CFAP157: variants seen among roughly 807,000 people sequenced by gnomAD.
CFAP157 encodes cilia- and flagella-associated protein 157.
In CFAP157, 43 loss-of-function variants were observed where a neutral mutation model predicts 57.8. The observed-to-expected ratio is 0.74, with a 90% CI of 0.58 to 0.96. The LOEUF (loss-of-function observed/expected upper bound fraction) is 0.96, where lower values mean the gene tolerates loss of function less well. CFAP157 is among the 40% of genes least tolerant of loss of function. The pLI is 0.00. For synonymous variants in CFAP157, 267 were observed against 269.0 expected, an observed-to-expected ratio of 0.99 and a Z score of 0.07; for missense variants, 606 against 655.3, an observed-to-expected ratio of 0.92 and a Z score of 0.82.
At chr9:127,710,881 C>A in intron 3 of CFAP157, 127 bp downstream of exon 3, 1 of 1,056,880 alleles carries the variant, frequency 9.5e-7, no homozygotes, top group Non-Finnish European at 1.4e-6. Context: ...GCCCCGACAA[C>A]CTGCTACTCC....
rs1842943921 is a variant in CFAP157, at chr9:127,715,466, C to G, written c.*1561C>G. On this transcript the variant is annotated 3_prime_UTR_variant, in exon 9 of 9. Transcript: ENST00000373295. This position sits in a 1 kb window ranked among gnomAD's most constrained non-coding sequence, Gnocchi z 5.8. ...AGAAAACAGAGCAGCAATTTGGGGGCACTCGGCTCCCGGGACATAATGGCC... is the reference window on the plus strand; with the variant it reads ...AGAAAACAGAGCAGCAATTTGGGGGGACTCGGCTCCCGGGACATAATGGCC... The G allele has an allele frequency of 3.2e-6, 5 of 1,586,456 alleles. No individual in the cohort carries two copies. The highest frequency in any genetic ancestry group is 4.3e-6 in the Non-Finnish European group (5 of 1,160,314).
At chr9:127,707,895 TGA>T (rs1842682835) in intron 1 of CFAP157, among the ~76,000 whole-genome samples, 1 of 152,192 alleles carries the variant, frequency 6.6e-6, no homozygotes, top group Admixed American at 6.5e-5. Flanking sequence ...ATGCTGTGGG[TGA>T]CCACAGCTAA....
Position 127,713,128 on chromosome 9 carries a change from C to G in CFAP157, c.1413C>G (p.Ile471Met). The G allele has an allele frequency of 6.2e-7, 1 of 1,611,562 alleles. No individual in the cohort carries two copies. The highest frequency in any genetic ancestry group is 8.5e-7 in the Non-Finnish European group (1 of 1,178,660). Reference protein sequence around the residue: ...DLGLVPRQVHIPPNPQDLRLL... With the variant: ...DLGLVPRQVHMPPNPQDLRLL... ...GCCTGGTACCTCGCCAGGTCCACAT[C>G]CCACCCAACCCCCAGGACCTCAGGC... The change falls in exon 8 of 9, where the codon ATC becomes ATG. Residue 471 changes from isoleucine (I) to methionine (M), a missense_variant. Ile to Met is a conservative substitution (Grantham distance 10, BLOSUM62 1). Coordinates refer to ENST00000373295, the MANE Select transcript of CFAP157 (RefSeq NM_001012502.3).
chr9:127,712,599 C>G, intron 6 of CFAP157, 110 bp from the exon 7 acceptor site: 1 of 1,588,166 alleles, frequency 6.3e-7, no homozygotes, highest in East Asian at 2.3e-5. Flanking sequence ...GGGTATCCCA[C>G]CACAGACAGG....
intron 6 of CFAP157, 21 bp downstream of exon 6, chr9:127,712,370 G>C (rs1403629159): frequency 6.2e-7 from 1 of 1,612,708 alleles, no homozygotes; most frequent in East Asian, 2.2e-5. Flanking sequence ...GGGAGAGAGG[G>C]AGGGCGCAAG....
rs1842823507 is a variant in CFAP157, at chr9:127,713,661, C to T, written c.1492-173C>T. On this transcript the variant is annotated intron_variant, in intron 8 of 8. Coordinates refer to ENST00000373295, the MANE Select transcript of CFAP157 (RefSeq NM_001012502.3). ...AGCAGGGATTACAGGCATGCACCACCATGCCTGGCTACTTTTTGTATTTTT... is the reference window on the plus strand; with the variant it reads ...AGCAGGGATTACAGGCATGCACCACTATGCCTGGCTACTTTTTGTATTTTT... 3 of 525,732 alleles carry T rather than the reference C, an allele frequency of 5.7e-6. 1 individual carries two copies. Among genetic ancestry groups the T allele is most frequent in the East Asian group, 3.6e-5 (1 of 27,736 alleles). The allele number at this position is 525,732 out of a possible 1,614,324, so 32.6% of individuals were successfully genotyped here.
intron 3 of CFAP157, 152 bp downstream of exon 3, chr9:127,710,906 G>T (rs1588392257): frequency 6.4e-6 from 6 of 930,236 alleles, no homozygotes; most frequent in Non-Finnish European, 9.7e-6. Flanking sequence ...AATCCCAGCT[G>T]GTGATTATGG....
In CFAP157 at chr9:127,714,266, C is replaced by G; in HGVS notation, c.*361C>G. 1 of 1,613,936 alleles carries G rather than the reference C, an allele frequency of 6.2e-7. No individual in the cohort carries two copies. The highest frequency in any genetic ancestry group is 8.5e-7 in the Non-Finnish European group (1 of 1,179,932). ...GTGCGCCGGGCGCCCGATACCCACC[C>G]GCAGCCTTGGCATTGCCTGTGGGAG... is the stretch of plus-strand genomic sequence containing the variant. On this transcript the variant is annotated 3_prime_UTR_variant, in exon 9 of 9. Transcript: ENST00000373295.
intron 2 of CFAP157, 54 bp from the exon 3 acceptor site, chr9:127,710,538 TCCTCGCCAG>T: frequency 6.5e-7 from 1 of 1,541,822 alleles, no homozygotes; most frequent in Non-Finnish European, 8.8e-7. Context: ...ATCTTTAAGG[TCCTCGCCAG>T]GCCCTGTCCT....
At chr9:127,713,372 G>A in intron 8 of CFAP157, 166 bp downstream of exon 8, 3 of 573,594 alleles carry the variant, frequency 5.2e-6, no homozygotes, top group East Asian at 3.1e-5. Context: ...AGCCTCAATG[G>A]GCCAAAGCAT....
chr9:127,712,719 AT>A lies in CFAP157; in HGVS notation c.1149del (p.Asp383GlufsTer9). The A allele has an allele frequency of 6.2e-7, 1 of 1,614,134 alleles. No individual in the cohort carries two copies. Among genetic ancestry groups the A allele is most frequent in the Non-Finnish European group, 8.5e-7 (1 of 1,180,004 alleles). ...CACCCTCACCAACAGATGCACCGCGATGAAGAGGACAGTGACGTTGACGTGA... is the reference window on the plus strand; with the variant it reads ...CACCCTCACCAACAGATGCACCGCGAGAAGAGGACAGTGACGTTGACGTGA... ...FLQNILQMHRDEEDSDVDVTF... is the reference protein window; with the variant it reads ...FLQNILQMHRXEEDSDVDVTF... On this transcript the variant is annotated frameshift_variant, in exon 7 of 9. Transcript: ENST00000373295. LOFTEE classifies it high-confidence loss of function.
rs201042035 is a variant in CFAP157 at position 127,714,233 on chromosome 9, G to A, written c.*328G>A. On this transcript the variant is annotated 3_prime_UTR_variant, in exon 9 of 9. Coordinates refer to ENST00000373295, the MANE Select transcript of CFAP157 (RefSeq NM_001012502.3). ...GCAGCCCAGCACATGGGCCTGAACC[G>A]CCTCAGGGTGCGCCGGGCGCCCGAT... The A allele has an allele frequency of 4.7e-5, 76 of 1,613,962 alleles. 2 individuals carry two copies. In the South Asian group the frequency reaches 7.0e-4, roughly 15 times the overall value.
Position 127,711,485 on chromosome 9 carries a change from G to A in CFAP157, c.844G>A (p.Gly282Ser). ...TQKVMARHKRGHQKIILMLTK... is the reference protein window; with the variant it reads ...TQKVMARHKRSHQKIILMLTK... ...GAAGGTCATGGCCAGGCACAAAAGA[G>A]GCCACCAGAAGGTGTGCCTGCAGGC... The change falls in exon 4 of 9, where the codon GGC becomes AGC. Residue 282 changes from glycine to serine, a missense_variant. Gly to Ser is a moderately conservative substitution (Grantham distance 56, BLOSUM62 0). Transcript: ENST00000373295. 6.2e-7 allele frequency: 1 copy of A among 1,613,324 alleles called. No homozygotes were observed. The highest frequency in any genetic ancestry group is 1.1e-5 in the South Asian group (1 of 91,074).
Position 127,707,022 on chromosome 9 carries a change from G to A in CFAP157, c.-10G>A. On this transcript the variant is annotated 5_prime_UTR_variant, in exon 1 of 9. Transcript: ENST00000373295. ...CTTCCTGGGGCCTGGAGCCCTGGTT[G>A]CCATCAGCCATGGCTCCCAAAAAGA... 6.2e-7 allele frequency: 1 copy of A among 1,613,146 alleles called. No homozygotes were observed. Among genetic ancestry groups the A allele is most frequent in the Non-Finnish European group, 8.5e-7 (1 of 1,179,520 alleles).
chr9:127,711,589 TC>T, intron 4 of CFAP157, 93 bp downstream of exon 4: 1 of 1,486,306 alleles, frequency 6.7e-7, no homozygotes, highest in Non-Finnish European at 9.1e-7. Flanking sequence ...GGCAGTCAAG[TC>T]AGGAGGGAGG....
chr9:127,709,120 C>T lies in CFAP157; in HGVS notation c.162-302C>T, dbSNP rs1476765497. 3.3e-5 allele frequency among the ~76,000 whole-genome samples: 5 copies of T among 152,238 alleles called. No individual in the cohort carries two copies. The highest frequency in any genetic ancestry group is 6.5e-5 in the Admixed American group (1 of 15,282). ...TTGTTGTAATGATTTAACAAACACA[C>T]TGCACACCTGCTATCTGCCAGGCAC... On this transcript the variant is annotated intron_variant, in intron 1 of 8. Coordinates refer to ENST00000373295, the MANE Select transcript of CFAP157 (RefSeq NM_001012502.3). This position sits in a 1 kb window ranked among gnomAD's most constrained non-coding sequence, Gnocchi z 4.7.
rs185587889 is a variant in CFAP157, at chr9:127,715,834, A to G, written c.*1929A>G. The G allele has an allele frequency of 1.1e-3, 1,244 of 1,108,540 alleles. 9 individuals are homozygous for G. In the African/African-American group the frequency reaches 0.017, roughly 15 times the overall value. The allele number at this position is 1,108,540 out of a possible 1,614,324, so 68.7% of individuals were successfully genotyped here. On this transcript the variant is annotated 3_prime_UTR_variant, in exon 9 of 9. Coordinates refer to ENST00000373295, the MANE Select transcript of CFAP157 (RefSeq NM_001012502.3). This position sits in a 1 kb window ranked among gnomAD's most constrained non-coding sequence, Gnocchi z 5.8. ...CAGGCGCCTTCAGTAGCGCGGCGTC[A>G]CAGTGTCCCTTCGGGACTTGTGTGG...
chr9:127,712,953 T>TCGG, intron 7 of CFAP157, 67 bp from the exon 8 acceptor site: 1 of 1,593,106 alleles, frequency 6.3e-7, no homozygotes. Flanking sequence ...GGGACAGTGC[T>TCGG]CGGCTCACCC....
Position 127,714,031 on chromosome 9 carries a change from G to A in CFAP157, c.*126G>A, listed in dbSNP as rs755909480. 8.2e-6 allele frequency: 13 copies of A among 1,586,894 alleles called. No homozygotes were observed. Among genetic ancestry groups the A allele is most frequent in the African/African-American group, 5.4e-5 (4 of 74,450 alleles). The stretch of plus-strand genomic sequence containing the variant: ...ATAAAAAGTAGATACCAAGGCTGGC[G>A]TGGCAGCTCTGTGGCAGTGGCTGGG... On this transcript the variant is annotated 3_prime_UTR_variant, in exon 9 of 9. Transcript: ENST00000373295.
Sources: gnomAD v4.1 joint callset for allele counts (sites outside exome capture counted in the v4.1 genomes callset) on GRCh38, gnomAD v4.1.1 for gene constraint, Gnocchi (gnomAD v3.1) non-coding constraint, MANE v1.5 for transcripts, NCBI Gene and HGNC (gene_info 2026-07-23, HGNC 2026-07-21) for gene names.